CDH8: variants seen among roughly 807,000 people sequenced by gnomAD.
CDH8 encodes the protein cadherin 8.
CDH8 carries 17 observed loss-of-function variants against 68.1 expected under a neutral mutation model. The observed-to-expected ratio is 0.25, with a 90% CI of 0.17 to 0.37. The LOEUF (loss-of-function observed/expected upper bound fraction) is 0.37. CDH8 is among the 10% of genes least tolerant of loss of function. The pLI is 1.00. For synonymous variants in CDH8, 372 were observed against 365.1 expected (o/e 1.02, Z -0.21); for missense variants, 763 against 999.3 (o/e 0.76, Z 3.19).
rs573736311 is a variant in CDH8 at position 61,747,771 on chromosome 16, C to T, written c.1415-20556G>A. On this transcript the variant is annotated intron_variant, in intron 8 of 11. Coordinates refer to ENST00000577390, the MANE Select transcript of CDH8 (RefSeq NM_001796.5). ...TAAAATTAAAAAAAAATTGTTGGCA[C>T]ACTAAAATAAAAAAAAAAGATGCAG... 7.9e-5 allele frequency among the ~76,000 whole-genome samples: 12 copies of T among 151,190 alleles called. No individual in the cohort carries two copies. The East Asian group carries it at 2.1e-3, about 27-fold the overall frequency.
chr16:61,766,702 G>T (rs1960604608), intron 8 of CDH8, among the ~76,000 whole-genome samples: 1 of 151,796 alleles, frequency 6.6e-6, no homozygotes, highest in Non-Finnish European at 1.5e-5. Context: ...GACCATTCTG[G>T]CTGAAGTAAG....
chr16:61,912,827 C>T (rs1426057786), intron 2 of CDH8, among the ~76,000 whole-genome samples: 2 of 152,072 alleles, frequency 1.3e-5, no homozygotes, highest in Non-Finnish European at 1.5e-5. Context: ...CTTTTTTATA[C>T]AACTACTCTC....
intron 8 of CDH8, among the ~76,000 whole-genome samples, chr16:61,788,162 G>A (rs1230970294): frequency 6.6e-6 from 1 of 150,680 alleles, no homozygotes; most frequent in Admixed American, 6.6e-5. Context: ...CTTTTTATAA[G>A]GCTTGGTAGA....
intron 3 of CDH8, among the ~76,000 whole-genome samples, chr16:61,859,330 T>C (rs1963108213): frequency 6.6e-6 from 1 of 152,002 alleles, no homozygotes. Flanking sequence ...AGGAAGATAG[T>C]GAGATAAAAT....
intron 11 of CDH8, among the ~76,000 whole-genome samples, chr16:61,654,733 T>C (rs1011964773): frequency 6.6e-6 from 1 of 152,120 alleles, no homozygotes; most frequent in South Asian, 2.1e-4. Context: ...GAGCAAAATA[T>C]GTCATCAAAG....
intron 2 of CDH8, among the ~76,000 whole-genome samples, chr16:61,937,439 T>C (rs1451454460): frequency 6.6e-6 from 1 of 152,096 alleles, no homozygotes; most frequent in Non-Finnish European, 1.5e-5. Flanking sequence ...TACAATTCAA[T>C]TGAGAGATTA....
chr16:61,654,680 A>C (rs1567404576), intron 11 of CDH8, among the ~76,000 whole-genome samples: 1 of 152,220 alleles, frequency 6.6e-6, no homozygotes, highest in African/African-American at 2.4e-5. Context: ...CAAGGAAAAC[A>C]TACCCAACTA....
chr16:61,755,649 C>CTTTTA (rs537101972), intron 8 of CDH8, among the ~76,000 whole-genome samples: 218 of 152,170 alleles, frequency 1.4e-3, no homozygotes, highest in Non-Finnish European at 2.5e-3. Context: ...ATGATTTTCT[C>CTTTTA]TTTTATTTTA....
intron 8 of CDH8, among the ~76,000 whole-genome samples, chr16:61,738,857 T>A (rs1303657135): frequency 6.6e-6 from 1 of 152,136 alleles, no homozygotes; most frequent in Non-Finnish European, 1.5e-5. Flanking sequence ...TCTTTTGTTT[T>A]AGTTTTGATC....
Position 61,978,663 on chromosome 16 carries a change from G to A in CDH8, c.252+42489C>T, listed in dbSNP as rs191353872. Among the ~76,000 whole-genome samples, 189 of 152,218 alleles carry A rather than the reference G, an allele frequency of 1.2e-3. 3 individuals are homozygous for A. Among genetic ancestry groups the A allele is most frequent in the African/African-American group, 4.2e-3 (176 of 41,544 alleles). On this transcript the variant is annotated intron_variant, in intron 2 of 11. Transcript: ENST00000577390. ...CCACTTGACATATGAGAAAATTGAC[G>A]TTCTGAGACCTTAATCCACTTGGGC...
rs190774997 is a variant in CDH8, at chr16:61,967,765, C to T, written c.252+53387G>A. Among the ~76,000 whole-genome samples, 27 of 152,288 alleles carry T rather than the reference C, an allele frequency of 1.8e-4. No individual in the cohort carries two copies. The East Asian group carries it at 3.5e-3, about 20-fold the overall frequency. ...GATTTTCAGATTAGGGATGCTCAAT[C>T]TGTACTTATACGACAGTTGAATTTA... On this transcript the variant is annotated intron_variant, in intron 2 of 11. Coordinates refer to ENST00000577390, the MANE Select transcript of CDH8 (RefSeq NM_001796.5).
intron 10 of CDH8, among the ~76,000 whole-genome samples, chr16:61,698,734 C>A (rs753239198): frequency 6.6e-6 from 1 of 152,152 alleles, no homozygotes; most frequent in Non-Finnish European, 1.5e-5. Context: ...CCAGGTTTGG[C>A]CTTCACTTCT....
At chr16:61,907,530 A>C (rs562085471) in intron 2 of CDH8, among the ~76,000 whole-genome samples, 2 of 152,100 alleles carry the variant, frequency 1.3e-5, no homozygotes, top group East Asian at 3.9e-4. Flanking sequence ...AATAGAAAAA[A>C]TTAGCTGGGC....
At chr16:61,750,701 C>A (rs1305757277) in intron 8 of CDH8, among the ~76,000 whole-genome samples, 1 of 152,030 alleles carries the variant, frequency 6.6e-6, no homozygotes, top group Non-Finnish European at 1.5e-5. Context: ...AAAAATAAAA[C>A]CCTCAAATAA....
chr16:61,942,891 G>C (rs772027018), intron 2 of CDH8, among the ~76,000 whole-genome samples: 12 of 152,010 alleles, frequency 7.9e-5, no homozygotes, highest in Non-Finnish European at 1.3e-4. Flanking sequence ...GGACAACACG[G>C]CAAAACCGCA....
At chr16:61,732,938 C>T (rs957221507) in intron 8 of CDH8, among the ~76,000 whole-genome samples, 2 of 151,138 alleles carry the variant, frequency 1.3e-5, no homozygotes, top group African/African-American at 4.9e-5. Flanking sequence ...TAATTCAAAT[C>T]GACAGGAACA....
At chr16:61,837,043 C>T (rs1962583570) in intron 4 of CDH8, among the ~76,000 whole-genome samples, 1 of 151,910 alleles carries the variant, frequency 6.6e-6, no homozygotes. Context: ...TTTTGAAATC[C>T]TCCTACATTC....
At chr16:61,963,548 A>C (rs570071032) in intron 2 of CDH8, among the ~76,000 whole-genome samples, 2 of 152,366 alleles carry the variant, frequency 1.3e-5, no homozygotes, top group South Asian at 4.1e-4. Flanking sequence ...GAAAGACAGA[A>C]GGGGCCTCAG....
chr16:62,020,807 T>C (rs1429035581), intron 2 of CDH8, among the ~76,000 whole-genome samples: 1 of 152,206 alleles, frequency 6.6e-6, no homozygotes, highest in Non-Finnish European at 1.5e-5. Context: ...TGAGAAAATG[T>C]GCGTATCTCT....
Sources: allele counts gnomAD v4.1 joint callset (sites outside exome capture counted in the v4.1 genomes callset), GRCh38; gene constraint gnomAD v4.1.1; transcripts MANE v1.5; gene names NCBI Gene and HGNC (gene_info 2026-07-23, HGNC 2026-07-21).